The following MRAS variants were observed in gnomAD, a reference collection of about 807,000 sequenced individuals.
MRAS encodes ras-related protein M-Ras.
Under a neutral mutation model 20.9 loss-of-function variants are expected in MRAS, and 4 were observed. The observed-to-expected ratio is 0.19, with a 90% CI of 0.09 to 0.44. The LOEUF is 0.44. MRAS is among the 20% of genes least tolerant of loss of function. The probability of loss-of-function intolerance (pLI) is 0.99; values close to 1 mark genes in which losing one functional copy is unlikely to be tolerated. For missense variants in MRAS, 154 were observed against 277.5 expected, an observed-to-expected ratio of 0.56 and a Z score of 3.16; for synonymous variants, 98 against 102.9, an observed-to-expected ratio of 0.95 and a Z score of 0.29.
Position 138,402,911 on chromosome 3 carries a change from A to T in MRAS, c.*642A>T, listed in dbSNP as rs2055390363. On this transcript the variant is annotated 3_prime_UTR_variant, in exon 6 of 6. Transcript: ENST00000423968. ...AGAAGGTAATGGGAACTGTAGCTGG[A>T]GGCCTCAGGCCATGGGTCAAACCTG... 6.6e-6 allele frequency: 1 copy of T among 152,552 alleles called. No individual in the cohort carries two copies. Among genetic ancestry groups the T allele is most frequent in the African/African-American group, 2.4e-5 (1 of 41,418 alleles). The allele number at this position is 152,552 out of a possible 1,614,324, so 9.4% of individuals were successfully genotyped here.
At chr3:138,381,549 G>A (rs956031186) in intron 2 of MRAS, among the ~76,000 whole-genome samples, 1 of 147,996 alleles carries the variant, frequency 6.8e-6, no homozygotes, top group South Asian at 2.3e-4. Context: ...TCCCAGCCCC[G>A]CCCTCTGCCC....
intron 1 of MRAS, among the ~76,000 whole-genome samples, chr3:138,365,322 C>T (rs572709377): frequency 1.8e-4 from 28 of 152,330 alleles, no homozygotes; most frequent in Non-Finnish European, 3.5e-4. Context: ...AGTGCTGGGT[C>T]GCAGATGGCT....
intron 1 of MRAS, among the ~76,000 whole-genome samples, chr3:138,369,646 C>T (rs1240707940): frequency 2.6e-5 from 4 of 152,126 alleles, no homozygotes; most frequent in Non-Finnish European, 5.9e-5. Flanking sequence ...GTAGTCTAGC[C>T]CTGTTCCATT....
At position 138,365,378 on chromosome 3, in the gene MRAS, G is replaced by A. The variant is rs564136061; in HGVS notation, c.-18-7488G>A. On this transcript the variant is annotated intron_variant, in intron 1 of 5. Coordinates refer to ENST00000423968, the MANE Select transcript of MRAS (RefSeq NM_001085049.3). ...GAGGTGCCCGAATACTGATGGGAAA[G>A]ACCCAGTTATTGACAGTTGCCATAT... Among the ~76,000 whole-genome samples, 12 of 152,342 alleles carry A rather than the reference G, an allele frequency of 7.9e-5. No individual in the cohort carries two copies. In the South Asian group the frequency reaches 1.2e-3, roughly 16 times the overall value.
intron 1 of MRAS, among the ~76,000 whole-genome samples, chr3:138,360,075 C>T (rs1160545434): frequency 6.6e-6 from 1 of 152,216 alleles, no homozygotes; most frequent in Non-Finnish European, 1.5e-5. Flanking sequence ...CTCCTGTTTG[C>T]ACAGGCCCCA....
intron 2 of MRAS, among the ~76,000 whole-genome samples, chr3:138,382,932 G>A (rs2108536715): frequency 6.6e-6 from 1 of 152,292 alleles, no homozygotes; most frequent in East Asian, 1.9e-4. Flanking sequence ...CTGCCATTGT[G>A]TTGGGTGATG....
intron 2 of MRAS, among the ~76,000 whole-genome samples, chr3:138,382,773 CTTT>C (rs1486749325): frequency 6.6e-6 from 1 of 152,234 alleles, no homozygotes; most frequent in Non-Finnish European, 1.5e-5. Flanking sequence ...TGTTTTTCCA[CTTT>C]CCTTGCTGAC....
At chr3:138,375,348 A>G (rs1220328729) in intron 2 of MRAS, among the ~76,000 whole-genome samples, 3 of 152,114 alleles carry the variant, frequency 2.0e-5, no homozygotes, top group Admixed American at 1.3e-4. Flanking sequence ...TTTTCTTGTA[A>G]TGTCTGTGTC....
chr3:138,364,537 T>G (rs192074252), intron 1 of MRAS, among the ~76,000 whole-genome samples: 1 of 152,204 alleles, frequency 6.6e-6, no homozygotes, highest in Non-Finnish European at 1.5e-5. Flanking sequence ...GGATTTCCAG[T>G]TGAGGGGCCA....
chr3:138,401,988 C>T (rs1273301504), intron 5 of MRAS, among the ~76,000 whole-genome samples, 182 bp from the exon 6 acceptor site: 1 of 152,188 alleles, frequency 6.6e-6, no homozygotes, highest in East Asian at 1.9e-4. Flanking sequence ...GCTATCCTGC[C>T]AGGCCCTCCT....
At chr3:138,367,349 G>A (rs1056639565) in intron 1 of MRAS, among the ~76,000 whole-genome samples, 4 of 152,166 alleles carry the variant, frequency 2.6e-5, no homozygotes, top group Admixed American at 1.3e-4. Context: ...CTTGCCCCAG[G>A]TCACACAGGG....
At chr3:138,374,088 A>AATC (rs2054732247) in intron 2 of MRAS, among the ~76,000 whole-genome samples, 1 of 151,942 alleles carries the variant, frequency 6.6e-6, no homozygotes, top group Non-Finnish European at 1.5e-5. Context: ...CCTCCCAAGT[A>AATC]GCTGGGATTA....
intron 1 of MRAS, among the ~76,000 whole-genome samples, chr3:138,364,456 A>G (rs80034792): frequency 0.053 from 8,110 of 152,312 alleles, 685 homozygotes; most frequent in African/African-American, 0.19. Flanking sequence ...TTTACAGAAA[A>G]GAAAACCAAA....
At position 138,362,529 on chromosome 3, in the gene MRAS, C is replaced by T. The variant is rs2108505281; in HGVS notation, c.-18-10337C>T. Among the ~76,000 whole-genome samples, 3 of 152,254 alleles carry T rather than the reference C, an allele frequency of 2.0e-5. No individual in the cohort carries two copies. In the Middle Eastern group the frequency reaches 0.01, roughly 518 times the overall value. On this transcript the variant is annotated intron_variant, in intron 1 of 5. Coordinates refer to ENST00000423968, the MANE Select transcript of MRAS (RefSeq NM_001085049.3). ...TCGAGTTTGTCCTATGTAATTCATC[C>T]ACTCTGTCCTGGGCTTTTTCTGCTG...
chr3:138,393,056 C>T (rs1411833764), intron 2 of MRAS, among the ~76,000 whole-genome samples: 1 of 152,118 alleles, frequency 6.6e-6, no homozygotes, highest in Non-Finnish European at 1.5e-5. Context: ...TCGTATTTTT[C>T]TATCAGCATC....
At chr3:138,377,781 T>G (rs1560174780) in intron 2 of MRAS, among the ~76,000 whole-genome samples, 1 of 152,230 alleles carries the variant, frequency 6.6e-6, no homozygotes, top group Admixed American at 6.5e-5. Flanking sequence ...AATAAAAACG[T>G]GGCAGCACGA....
At chr3:138,363,528 C>G (rs545581362) in intron 1 of MRAS, among the ~76,000 whole-genome samples, 5 of 152,274 alleles carry the variant, frequency 3.3e-5, no homozygotes, top group Non-Finnish European at 5.9e-5. Flanking sequence ...CTGCCTCCCC[C>G]ACAAAATACA....
At chr3:138,388,945 G>T (rs989680237) in intron 2 of MRAS, among the ~76,000 whole-genome samples, 1 of 151,822 alleles carries the variant, frequency 6.6e-6, no homozygotes, top group African/African-American at 2.4e-5. Context: ...AGGTTCAAGC[G>T]ATTCTCCTGC....
At chr3:138,378,577 C>T (rs1166492647) in intron 2 of MRAS, among the ~76,000 whole-genome samples, 2 of 152,240 alleles carry the variant, frequency 1.3e-5, no homozygotes, top group Non-Finnish European at 2.9e-5. Context: ...TCTCAGCCCT[C>T]TCCTCCTGTC....
Sources: allele counts gnomAD v4.1 joint callset (sites outside exome capture counted in the v4.1 genomes callset), GRCh38; gene constraint gnomAD v4.1.1; transcripts MANE v1.5; gene names NCBI Gene and HGNC (gene_info 2026-07-23, HGNC 2026-07-21).